Variants in ADAMTS14 observed in about 807,000 individuals in gnomAD.
The protein encoded by ADAMTS14 is A disintegrin and metalloproteinase with thrombospondin motifs 14.
ADAMTS14 carries 100 observed loss-of-function variants against 128.6 expected under a neutral mutation model. The observed-to-expected ratio is 0.78, with a 90% CI of 0.66 to 0.92. ADAMTS14 has a LOEUF of 0.92. Ranked by LOEUF, ADAMTS14 falls within the 40% of genes least tolerant of loss-of-function variation. The pLI is 0.00. For missense variants in ADAMTS14, 1,562 were observed against 1,658.6 expected (o/e 0.94, Z 1.01); for synonymous variants, 665 against 653.8 (o/e 1.02, Z -0.26).
chr10:70,736,441 C>T (rs370517167), intron 9 of ADAMTS14, among the ~76,000 whole-genome samples: 16 of 152,042 alleles, frequency 1.1e-4, no homozygotes, highest in African/African-American at 2.9e-4. Flanking sequence ...GGAGAGAGAA[C>T]GACAAGAGCA....
chr10:70,698,169 A>C (rs1218997504), intron 2 of ADAMTS14, among the ~76,000 whole-genome samples: 1 of 152,242 alleles, frequency 6.6e-6, no homozygotes, highest in Non-Finnish European at 1.5e-5. Flanking sequence ...TAAAAGAATA[A>C]GATATAGTTG....
intron 4 of ADAMTS14, among the ~76,000 whole-genome samples, chr10:70,716,702 G>T (rs894829458): frequency 1.3e-5 from 2 of 152,062 alleles, no homozygotes; most frequent in African/African-American, 4.8e-5. Context: ...CCTGATTTCC[G>T]GGGCCAGGTC....
chr10:70,679,809 A>G (rs1221372423), intron 2 of ADAMTS14, among the ~76,000 whole-genome samples: 1 of 152,166 alleles, frequency 6.6e-6, no homozygotes, highest in Non-Finnish European at 1.5e-5. Context: ...GATGGGTTAT[A>G]CTGAGTAGAC....
chr10:70,697,058 C>A lies in ADAMTS14; in HGVS notation c.523-5254C>A, dbSNP rs150248522. Among the ~76,000 whole-genome samples, 1,170 of 152,246 alleles carry A rather than the reference C, an allele frequency of 7.7e-3. 10 individuals carry two copies. Among genetic ancestry groups the A allele is most frequent in the Non-Finnish European group, 0.013 (856 of 68,032 alleles). On this transcript the variant is annotated intron_variant, in intron 2 of 21. Transcript: ENST00000373207. ...CAAGGGGTGTCGGTGGAAATAAAGC[C>A]CTTGTGATAGAAATTCCAGAACAAG... is the stretch of plus-strand genomic sequence containing the variant.
intron 3 of ADAMTS14, among the ~76,000 whole-genome samples, chr10:70,704,651 A>G (rs1564528749): frequency 2.7e-5 from 4 of 146,908 alleles, no homozygotes. Context: ...CCATAGATTC[A>G]TGCTTACACA....
intron 4 of ADAMTS14, among the ~76,000 whole-genome samples, chr10:70,709,922 G>C (rs1167660153): frequency 2.0e-5 from 3 of 152,220 alleles, no homozygotes; most frequent in Non-Finnish European, 4.4e-5. Context: ...ACAAGGAAGA[G>C]CAGGAGGGAA....
chr10:70,684,725 G>T (rs913470927), intron 2 of ADAMTS14, among the ~76,000 whole-genome samples: 1 of 152,244 alleles, frequency 6.6e-6, no homozygotes, highest in East Asian at 1.9e-4. Context: ...AACTGAGGCA[G>T]GATCCACAGC....
chr10:70,737,805 T>C (rs2132695303), intron 10 of ADAMTS14, among the ~76,000 whole-genome samples: 1 of 152,312 alleles, frequency 6.6e-6, no homozygotes, highest in South Asian at 2.1e-4. Context: ...GGGCTGCATA[T>C]TGGAATCATC....
chr10:70,678,807 C>T (rs1005487761), intron 2 of ADAMTS14, among the ~76,000 whole-genome samples: 1 of 152,160 alleles, frequency 6.6e-6, no homozygotes, highest in Admixed American at 6.5e-5. Context: ...CAGACCCCTT[C>T]CAGCTCTGGC....
intron 11 of ADAMTS14, among the ~76,000 whole-genome samples, chr10:70,739,396 C>A (rs115113877): frequency 0.012 from 1,832 of 152,158 alleles, 42 homozygotes; most frequent in African/African-American, 0.042. Context: ...GAAAATCTCC[C>A]TTTAATTTTT....
chr10:70,676,921 C>T (rs548085563), intron 2 of ADAMTS14, among the ~76,000 whole-genome samples: 2 of 152,354 alleles, frequency 1.3e-5, no homozygotes, highest in African/African-American at 4.8e-5. Flanking sequence ...CTGTAAGCTC[C>T]TCAGTGACAG....
intron 2 of ADAMTS14, among the ~76,000 whole-genome samples, chr10:70,687,081 G>A (rs1289521031): frequency 9.5e-5 from 11 of 116,204 alleles, no homozygotes; most frequent in Admixed American, 4.0e-4. Flanking sequence ...CCTCCCTCCC[G>A]GACGGGGCGG....
chr10:70,695,407 A>G (rs1273677587), intron 2 of ADAMTS14, among the ~76,000 whole-genome samples: 2 of 151,988 alleles, frequency 1.3e-5, no homozygotes, highest in Admixed American at 6.6e-5. Flanking sequence ...TCCCTGCAGG[A>G]GCCATGGTTC....
At chr10:70,754,061 AT>A in intron 19 of ADAMTS14, 54 bp downstream of exon 19, 7 of 1,448,174 alleles carry the variant, frequency 4.8e-6, no homozygotes, top group Non-Finnish European at 5.5e-6. Flanking sequence ...GGTCTGAGGG[AT>A]TTTTTTGGTG....
chr10:70,672,813 T>G lies in ADAMTS14; in HGVS notation c.11T>G (p.Leu4Arg). The G allele has an allele frequency of 6.6e-7, 1 of 1,511,390 alleles. No homozygotes were observed. Among genetic ancestry groups the G allele is most frequent in the Non-Finnish European group, 8.8e-7 (1 of 1,133,996 alleles). The allele number at this position is 1,511,390 out of a possible 1,614,324, so 93.6% of individuals were successfully genotyped here. Residue 4 changes from leucine to arginine, a missense_variant, in exon 1 of 22, where the codon CTC (leucine) becomes CGC (arginine). Leu to Arg is a moderately radical substitution (Grantham distance 102). Coordinates refer to ENST00000373207, the MANE Select transcript of ADAMTS14 (RefSeq NM_080722.4). ...TCCCAGCGCGGCCACATGGCTCCAC[T>G]CCGCGCGCTGCTGTCCTACCTGCTG... MAP[L>R]RALLSYLLPL...
chr10:70,738,579 TC>T (rs1351313735), intron 10 of ADAMTS14, among the ~76,000 whole-genome samples: 1 of 152,242 alleles, frequency 6.6e-6, no homozygotes, highest in African/African-American at 2.4e-5. Context: ...TCACTGTTCA[TC>T]ATAAGATCTG....
chr10:70,753,131 C>G (rs529268588), intron 18 of ADAMTS14, among the ~76,000 whole-genome samples: 2 of 152,314 alleles, frequency 1.3e-5, no homozygotes, highest in African/African-American at 4.8e-5. Context: ...CTGGAAGTGA[C>G]TAAAAGATGC....
At chr10:70,720,014 G>A (rs1841203895) in intron 4 of ADAMTS14, among the ~76,000 whole-genome samples, 1 of 152,232 alleles carries the variant, frequency 6.6e-6, no homozygotes, top group African/African-American at 2.4e-5. Flanking sequence ...AGCATTGTGG[G>A]CTTGTGAGAG....
At chr10:70,759,887 C>T (rs1842564528) in intron 21 of ADAMTS14, among the ~76,000 whole-genome samples, 2 of 152,156 alleles carry the variant, frequency 1.3e-5, no homozygotes, top group South Asian at 4.1e-4. Flanking sequence ...CCTAGATTGT[C>T]CAGTGTGTGG....
Sources: gnomAD v4.1 joint callset for allele counts (sites outside exome capture counted in the v4.1 genomes callset) on GRCh38, gnomAD v4.1.1 for gene constraint, MANE v1.5 for transcripts, NCBI Gene and HGNC (gene_info 2026-07-23, HGNC 2026-07-21) for gene names.